The following TMEM132D variants were observed in gnomAD, a reference collection of about 807,000 sequenced individuals.
TMEM132D encodes the protein mature OL transmembrane protein.
A neutral mutation model predicts 62.3 loss-of-function variants in TMEM132D; 21 were observed. That is an observed-to-expected ratio of 0.34 (90% CI 0.24 to 0.49). The LOEUF is 0.49. Among genes scored for constraint, TMEM132D ranks in the 20% least tolerant of loss-of-function variants. The probability of loss-of-function intolerance (pLI) is 0.99; values close to 1 mark genes in which losing one functional copy is unlikely to be tolerated. For synonymous variants in TMEM132D, 621 were observed against 575.6 expected, an observed-to-expected ratio of 1.08 and a Z score of -1.13; for missense variants, 1,346 against 1,402.8, an observed-to-expected ratio of 0.96 and a Z score of 0.65.
chr12:129,429,779 C>T (rs1318254599), intron 3 of TMEM132D, among the ~76,000 whole-genome samples: 3 of 146,814 alleles, frequency 2.0e-5, no homozygotes, highest in Non-Finnish European at 4.5e-5. Context: ...GTTCCCCTCC[C>T]TGTGTCCATG....
intron 1 of TMEM132D, among the ~76,000 whole-genome samples, chr12:129,830,367 T>C (rs988616047): frequency 2.0e-5 from 3 of 152,168 alleles, no homozygotes; most frequent in Non-Finnish European, 4.4e-5. Context: ...GGAAAATTCA[T>C]GCTGAGAACT....
intron 3 of TMEM132D, among the ~76,000 whole-genome samples, chr12:129,422,506 T>C (rs1872356476): frequency 6.6e-6 from 1 of 152,162 alleles, no homozygotes. Flanking sequence ...AGATAACAGT[T>C]CCCTCATCAG....
At chr12:129,665,116 A>G (rs1274563833) in intron 2 of TMEM132D, among the ~76,000 whole-genome samples, 1 of 151,930 alleles carries the variant, frequency 6.6e-6, no homozygotes, top group African/African-American at 2.4e-5. Context: ...AAAAATGGGC[A>G]TGGTTTAGGC....
chr12:129,086,488 A>G (rs1669471821), intron 5 of TMEM132D, among the ~76,000 whole-genome samples: 2 of 152,236 alleles, frequency 1.3e-5, no homozygotes, highest in African/African-American at 2.4e-5. Context: ...TATAAGTAAG[A>G]ATAAGTGGTG....
At chr12:129,318,698 G>A (rs1269744936) in intron 4 of TMEM132D, among the ~76,000 whole-genome samples, 2 of 152,174 alleles carry the variant, frequency 1.3e-5, no homozygotes, top group African/African-American at 4.8e-5. Flanking sequence ...TGCTCTTTGT[G>A]TTCCATTACC....
intron 2 of TMEM132D, among the ~76,000 whole-genome samples, chr12:129,608,414 G>A (rs569446711): frequency 2.0e-5 from 3 of 152,070 alleles, no homozygotes; most frequent in Admixed American, 2.0e-4. Context: ...GATGATGAAT[G>A]AAGGTTCGGT....
At chr12:129,527,559 A>T (rs931420499) in intron 3 of TMEM132D, among the ~76,000 whole-genome samples, 3 of 152,174 alleles carry the variant, frequency 2.0e-5, no homozygotes, top group Non-Finnish European at 2.9e-5. Flanking sequence ...AGTTTTTCTC[A>T]TTCAAGTATA....
intron 3 of TMEM132D, among the ~76,000 whole-genome samples, chr12:129,419,182 C>T (rs909281729): frequency 5.6e-5 from 6 of 106,916 alleles, no homozygotes; most frequent in South Asian, 3.6e-4. Context: ...CTTGAGAGTC[C>T]CCAACTCCAA....
intron 1 of TMEM132D, among the ~76,000 whole-genome samples, chr12:129,822,456 G>T (rs536220781): frequency 6.6e-6 from 1 of 152,304 alleles, no homozygotes; most frequent in South Asian, 2.1e-4. Flanking sequence ...GAGTCACACA[G>T]GACGCACTTA....
chr12:129,402,234 C>A (rs1338355005), intron 3 of TMEM132D, among the ~76,000 whole-genome samples: 1 of 152,172 alleles, frequency 6.6e-6, no homozygotes, highest in Non-Finnish European at 1.5e-5. Context: ...TGGTTATGAA[C>A]TTCAGCAGCT....
At chr12:129,379,548 G>A (rs1482432617) in intron 3 of TMEM132D, among the ~76,000 whole-genome samples, 3 of 152,214 alleles carry the variant, frequency 2.0e-5, no homozygotes, top group Non-Finnish European at 4.4e-5. Context: ...CCCTGGCATA[G>A]TTGAGTCTTT....
At chr12:129,839,511 C>T (rs1029734174) in intron 1 of TMEM132D, among the ~76,000 whole-genome samples, 4 of 152,166 alleles carry the variant, frequency 2.6e-5, no homozygotes, top group Non-Finnish European at 5.9e-5. Context: ...GATCCGCCTG[C>T]CTCAGCCTCC....
chr12:129,524,221 T>TA (rs1164365127), intron 3 of TMEM132D, among the ~76,000 whole-genome samples: 1 of 149,532 alleles, frequency 6.7e-6, no homozygotes, highest in Non-Finnish European at 1.5e-5. Flanking sequence ...CCCTAAAACT[T>TA]AAAGTATAAT....
chr12:129,808,817 CTT>C (rs11404670), intron 1 of TMEM132D, among the ~76,000 whole-genome samples: 1 of 148,274 alleles, frequency 6.7e-6, no homozygotes. Flanking sequence ...TGAGTGAATA[CTT>C]TTTTTTTTTA....
At chr12:129,630,069 A>G (rs1386797144) in intron 2 of TMEM132D, among the ~76,000 whole-genome samples, 1 of 152,222 alleles carries the variant, frequency 6.6e-6, no homozygotes, top group East Asian at 1.9e-4. Context: ...TGAATACAAA[A>G]CAGACACACA....
chr12:129,221,978 G>T (rs1426460184), intron 4 of TMEM132D, among the ~76,000 whole-genome samples: 1 of 152,164 alleles, frequency 6.6e-6, no homozygotes, highest in East Asian at 1.9e-4. Context: ...CAAGTGCAGA[G>T]TATCAGTCAA....
intron 1 of TMEM132D, among the ~76,000 whole-genome samples, chr12:129,877,173 T>TAATAATTATAATTAA (rs59715068): frequency 2.0e-5 from 3 of 148,432 alleles, no homozygotes; most frequent in South Asian, 2.1e-4. Context: ...AATATTATAT[T>TAATAATTATAATTAA]TATAATTATG....
At chr12:129,758,901 C>T (rs1452139157) in intron 1 of TMEM132D, among the ~76,000 whole-genome samples, 2 of 151,218 alleles carry the variant, frequency 1.3e-5, no homozygotes, top group East Asian at 1.9e-4. Context: ...GGCAATAAAT[C>T]CTTTGTGGTG....
intron 4 of TMEM132D, among the ~76,000 whole-genome samples, chr12:129,247,538 G>A (rs973950248): frequency 1.3e-5 from 2 of 152,196 alleles, no homozygotes; most frequent in African/African-American, 4.8e-5. Flanking sequence ...ACCTGTAATA[G>A]TGTTCTGTGG....
Sources: allele counts gnomAD v4.1 joint callset (sites outside exome capture counted in the v4.1 genomes callset), GRCh38; gene constraint gnomAD v4.1.1; transcripts MANE v1.5; gene names NCBI Gene and HGNC (gene_info 2026-07-23, HGNC 2026-07-21).